Variants in RBFOX1 observed in about 807,000 individuals in gnomAD.
The protein encoded by RBFOX1 is RNA binding protein fox-1 homolog 1.
Under a neutral mutation model 57.7 loss-of-function variants are expected in RBFOX1, and 8 were observed. That is an observed-to-expected ratio of 0.14 (90% CI 0.08 to 0.25). RBFOX1 has a LOEUF of 0.25. Ranked by LOEUF, RBFOX1 falls within the 10% of genes least tolerant of loss-of-function variation. RBFOX1 has a pLI of 1.00. For synonymous variants in RBFOX1, 326 were observed against 222.4 expected, an observed-to-expected ratio of 1.47 and a Z score of -4.15; for missense variants, 611 against 548.5, an observed-to-expected ratio of 1.11 and a Z score of -1.14.
intron 2 of RBFOX1, among the ~76,000 whole-genome samples, chr16:6,521,468 C>G (rs78451227): frequency 0.039 from 5,309 of 136,030 alleles, 241 homozygotes; most frequent in African/African-American, 0.1. Flanking sequence ...CTCCTCTCCT[C>G]TCTTCTCTTC....
chr16:7,425,035 G>A (rs1467616542), intron 4 of RBFOX1, among the ~76,000 whole-genome samples: 1 of 152,074 alleles, frequency 6.6e-6, no homozygotes, highest in Non-Finnish European at 1.5e-5. Context: ...ATAAAAGGGG[G>A]AAATTATTGT....
At chr16:6,612,261 A>C (rs891463715) in intron 2 of RBFOX1, among the ~76,000 whole-genome samples, 26 of 152,202 alleles carry the variant, frequency 1.7e-4, no homozygotes, top group African/African-American at 6.3e-4. Context: ...TAAATGTTAA[A>C]ATTTTGCATG....
intron 2 of RBFOX1, among the ~76,000 whole-genome samples, chr16:6,508,272 TA>T (rs1433700553): frequency 6.6e-6 from 1 of 152,100 alleles, no homozygotes; most frequent in East Asian, 1.9e-4. Flanking sequence ...GTACTAGCCT[TA>T]TTACCTGGGT....
At chr16:6,667,044 G>A (rs755192606) in intron 3 of RBFOX1, among the ~76,000 whole-genome samples, 10 of 152,094 alleles carry the variant, frequency 6.6e-5, no homozygotes, top group African/African-American at 1.7e-4. Context: ...TTTACTAAAC[G>A]TTGAAAATGA....
intron 5 of RBFOX1, among the ~76,000 whole-genome samples, chr16:7,554,320 T>A (rs892045753): frequency 6.6e-6 from 1 of 152,218 alleles, no homozygotes; most frequent in African/African-American, 2.4e-5. Flanking sequence ...ATACTTTCCA[T>A]GCATTATTTT....
intron 3 of RBFOX1, among the ~76,000 whole-genome samples, chr16:6,707,863 T>G (rs2063044024): frequency 6.6e-6 from 1 of 152,150 alleles, no homozygotes; most frequent in Non-Finnish European, 1.5e-5. Flanking sequence ...AAGAAAACAT[T>G]AAGCTTGTAA....
At chr16:5,408,689 A>C (rs1306272542) in intron 1 of RBFOX1, among the ~76,000 whole-genome samples, 1 of 152,358 alleles carries the variant, frequency 6.6e-6, no homozygotes, top group Non-Finnish European at 1.5e-5. Context: ...CAGGCTGCGT[A>C]GGCATGGTGC....
Position 7,080,863 on chromosome 16 carries a change from C to T in RBFOX1, c.27+28765C>T, listed in dbSNP as rs548692400. Among the ~76,000 whole-genome samples the T allele has an allele frequency of 2.6e-5, 4 of 152,290 alleles. No homozygotes were observed. The East Asian group carries it at 7.7e-4, about 29-fold the overall frequency. On this transcript the variant is annotated intron_variant, in intron 4 of 15. Coordinates refer to ENST00000550418, the MANE Select transcript of RBFOX1 (RefSeq NM_018723.4). ...CAAGGCCACAATCCATCCTCAGGAC[C>T]AAGGGAGCCTTTGAAATAAGTCATT...
At chr16:6,973,764 A>C (rs1376891618) in intron 3 of RBFOX1, among the ~76,000 whole-genome samples, 1 of 152,104 alleles carries the variant, frequency 6.6e-6, no homozygotes, top group African/African-American at 2.4e-5. Context: ...TTACCCATTA[A>C]CCGGTAGTTT....
chr16:7,264,192 C>T (rs961508471), intron 4 of RBFOX1, among the ~76,000 whole-genome samples: 1 of 152,092 alleles, frequency 6.6e-6, no homozygotes, highest in Non-Finnish European at 1.5e-5. Flanking sequence ...AAGCACTTAG[C>T]CAGTAAACTG....
intron 4 of RBFOX1, among the ~76,000 whole-genome samples, chr16:7,267,784 A>T (rs911274055): frequency 1.2e-4 from 18 of 152,196 alleles, no homozygotes; most frequent in African/African-American, 4.1e-4. Flanking sequence ...GGAACCTGGG[A>T]GGCGGAGGCT....
chr16:7,071,201 T>G (rs1408647837), intron 4 of RBFOX1, among the ~76,000 whole-genome samples: 2 of 152,156 alleles, frequency 1.3e-5, no homozygotes, highest in Non-Finnish European at 2.9e-5. Context: ...ACAGAGGAAT[T>G]AGATTATTCT....
At chr16:7,348,771 A>G (rs761222233) in intron 4 of RBFOX1, among the ~76,000 whole-genome samples, 1 of 152,084 alleles carries the variant, frequency 6.6e-6, no homozygotes, top group African/African-American at 2.4e-5. Context: ...ATGAAACTTC[A>G]TCTCTACTAA....
At chr16:7,167,336 C>G (rs573654588) in intron 4 of RBFOX1, among the ~76,000 whole-genome samples, 1 of 152,022 alleles carries the variant, frequency 6.6e-6, no homozygotes, top group East Asian at 1.9e-4. Flanking sequence ...TAGGTGAAAT[C>G]ATCCTGGACT....
intron 3 of RBFOX1, among the ~76,000 whole-genome samples, chr16:5,717,549 T>G (rs1374232951): frequency 6.6e-6 from 1 of 152,180 alleles, no homozygotes; most frequent in Non-Finnish European, 1.5e-5. Flanking sequence ...TTCATTCTTA[T>G]GCTTTTGTAT....
chr16:5,787,834 A>T (rs11076972), intron 3 of RBFOX1, among the ~76,000 whole-genome samples: 35,748 of 152,118 alleles, frequency 0.24, 4,986 homozygotes, highest in East Asian at 0.54. Context: ...GTAGCAAACA[A>T]AGTTGGAAAG....
chr16:5,457,242 C>A (rs1032712203), intron 1 of RBFOX1, among the ~76,000 whole-genome samples: 1 of 152,132 alleles, frequency 6.6e-6, no homozygotes, highest in Non-Finnish European at 1.5e-5. Context: ...GTTCAAGATC[C>A]TCCTGCCTCA....
intron 3 of RBFOX1, among the ~76,000 whole-genome samples, chr16:6,891,062 C>A (rs1032254148): frequency 2.0e-5 from 3 of 152,128 alleles, no homozygotes; most frequent in Non-Finnish European, 4.4e-5. Context: ...GTTCCCCGTC[C>A]CTTCACAATT....
chr16:5,242,691 T>C (rs534884081), intron 1 of RBFOX1, among the ~76,000 whole-genome samples: 294 of 152,288 alleles, frequency 1.9e-3, no homozygotes, highest in African/African-American at 6.8e-3. Flanking sequence ...ATCCTCGTTC[T>C]TTAATAGCAG....
Sources: allele counts gnomAD v4.1 joint callset (sites outside exome capture counted in the v4.1 genomes callset), GRCh38; gene constraint gnomAD v4.1.1; transcripts MANE v1.5; gene names NCBI Gene and HGNC (gene_info 2026-07-23, HGNC 2026-07-21).